POLR1A: variants seen among roughly 807,000 people sequenced by gnomAD.
POLR1A encodes the protein DNA-directed RNA polymerase I subunit RPA1.
POLR1A carries 84 observed loss-of-function variants against 205.3 expected under a neutral mutation model. The observed-to-expected ratio is 0.41, with a 90% CI of 0.34 to 0.49. The LOEUF is 0.49. Among genes scored for constraint, POLR1A ranks in the 20% least tolerant of loss-of-function variants. The pLI is 0.22. For synonymous variants in POLR1A, 799 were observed against 863.7 expected (o/e 0.93, Z 1.31); for missense variants, 1,645 against 2,204.5 (o/e 0.75, Z 5.08).
chr2:86,045,561 T>A, intron 20 of POLR1A, 56 bp downstream of exon 20: 2 of 1,585,486 alleles, frequency 1.3e-6, no homozygotes, highest in Non-Finnish European at 1.7e-6. Flanking sequence ...ATAGTTCACC[T>A]ACAATTAAGC....
At chr2:86,078,077 T>C (rs746808363) in intron 10 of POLR1A, 37 bp downstream of exon 10, 3 of 1,612,644 alleles carry the variant, frequency 1.9e-6, no homozygotes, top group South Asian at 2.2e-5. Flanking sequence ...TTATTTATCT[T>C]CTGTAGCTAG....
chr2:86,080,839 C>T lies in POLR1A; in HGVS notation c.1063G>A (p.Val355Met). 1 of 1,613,252 alleles carries T rather than the reference C, an allele frequency of 6.2e-7. No individual in the cohort carries two copies. Among genetic ancestry groups the T allele is most frequent in the Non-Finnish European group, 8.5e-7 (1 of 1,179,552 alleles). ...MAQEQKLPEEVATPTTDEEKD... is the reference protein window; with the variant it reads ...MAQEQKLPEEMATPTTDEEKD... Reference sequence around the variant, plus strand: ...ACCTCATCTGTAGTGGGTGTGGCCACTTCCTCTGGCAACTTCTGTTCTTGG... The same window carrying T: ...ACCTCATCTGTAGTGGGTGTGGCCATTTCCTCTGGCAACTTCTGTTCTTGG... Residue 355 changes from valine (V) to methionine (M), a missense_variant, in exon 9 of 34, where the codon GTG becomes ATG. Transcript: ENST00000263857.
intron 2 of POLR1A, 79 bp downstream of exon 2, chr2:86,099,889 A>T: frequency 8.2e-7 from 1 of 1,222,668 alleles, no homozygotes; most frequent in Non-Finnish European, 1.2e-6. Context: ...ACCTCCTTAG[A>T]CCACTCTTGT....
At chr2:86,044,985 G>A (rs1211190580) in intron 21 of POLR1A, among the ~76,000 whole-genome samples, 1 of 152,126 alleles carries the variant, frequency 6.6e-6, no homozygotes, top group East Asian at 1.9e-4. Context: ...AGCCTTCTAG[G>A]AAGCAAGATA....
In POLR1A at chr2:86,028,567, G is replaced by C. The variant is rs755152866; in HGVS notation, c.4897+27C>G. 6.5e-7 allele frequency: 1 copy of C among 1,539,578 alleles called. No individual in the cohort carries two copies. Among genetic ancestry groups the C allele is most frequent in the South Asian group, 1.1e-5 (1 of 89,604 alleles). On this transcript the variant is annotated intron_variant, in intron 32 of 33. Transcript: ENST00000263857. This position sits in a 1 kb window ranked among gnomAD's most constrained non-coding sequence, Gnocchi z 4.5. ...GTGTCCTGGCTGGTGCCCAGACCTC[G>C]GGGTGTTATCTGCAAGCTCCCCTTA...
In POLR1A at chr2:86,023,753, T is replaced by C. The variant is rs1018999369; in HGVS notation, c.*3670A>G. Reference sequence around the variant, plus strand: ...CAAAGGAAAGCAGGGTCTGAGTTTTTGTTTTTTTTTTTTTTTGAGACGGAA... The same window carrying C: ...CAAAGGAAAGCAGGGTCTGAGTTTTCGTTTTTTTTTTTTTTTGAGACGGAA... On this transcript the variant is annotated 3_prime_UTR_variant, in exon 34 of 34. Transcript: ENST00000263857. 1 of 101,316 alleles carries C rather than the reference T, an allele frequency of 9.9e-6. No homozygotes were observed. Among genetic ancestry groups the C allele is most frequent in the African/African-American group, 5.5e-5 (1 of 18,222 alleles). The allele number at this position is 101,316 out of a possible 1,614,324, so 6.3% of individuals were successfully genotyped here.
intron 14 of POLR1A, among the ~76,000 whole-genome samples, chr2:86,063,100 C>T (rs1332134990): frequency 6.6e-6 from 1 of 152,186 alleles, no homozygotes; most frequent in South Asian, 2.1e-4. Context: ...CTTTGGGAGG[C>T]CAAGGTTGGT....
rs763013931 is a variant in POLR1A, at chr2:86,077,962, C to A, written c.1277G>T (p.Gly426Val). The change falls in exon 11 of 34, where the codon GGC becomes GTC. Residue 426 changes from glycine to valine, a missense_variant. By Grantham distance (109) the Gly-to-Val change is moderately radical. Around this residue, in one of 16 missense-constraint regions of POLR1A, gnomAD observed 131 missense variants for 214.5 expected, o/e 0.61. Transcript: ENST00000263857. The part of the protein sequence containing the change: ...GIRQILEKKE[G>V]LFRKHMMGKR... ...TCCCATCATGTGTTTTCGGAACAGG[C>A]CTTCTTTCTTCTCCAGGATCTTTAT... 3 of 1,614,014 alleles carry A rather than the reference C, an allele frequency of 1.9e-6. No individual in the cohort carries two copies. Among genetic ancestry groups the A allele is most frequent in the African/African-American group, 2.7e-5 (2 of 74,916 alleles).
chr2:86,102,699 G>A (rs1481569537), intron 1 of POLR1A, among the ~76,000 whole-genome samples: 3 of 152,208 alleles, frequency 2.0e-5, no homozygotes, highest in Admixed American at 2.0e-4. Flanking sequence ...GTCAAACAAA[G>A]TTCCTCTCTC....
Position 86,028,818 on chromosome 2 carries a change from G to A in POLR1A, c.4780-107C>T, listed in dbSNP as rs1166641558. On this transcript the variant is annotated intron_variant, in intron 31 of 33. Coordinates refer to ENST00000263857, the MANE Select transcript of POLR1A (RefSeq NM_015425.6). The surrounding 1 kb of genome is among the most constrained non-coding windows in gnomAD (Gnocchi z 4.5). ...TCTCTCTCCTTGTGTCTGGCAGCTC[G>A]GTACAGCTGATGACAAAGTGGTCAA... The A allele has an allele frequency of 4.8e-5, 37 of 770,898 alleles. No individual in the cohort carries two copies. Among genetic ancestry groups the A allele is most frequent in the Non-Finnish European group, 6.7e-5 (30 of 449,380 alleles). The allele number at this position is 770,898 out of a possible 1,614,324, so 47.8% of individuals were successfully genotyped here.
intron 16 of POLR1A, among the ~76,000 whole-genome samples, chr2:86,050,150 T>C (rs1351006298): frequency 6.6e-6 from 1 of 152,150 alleles, no homozygotes; most frequent in Non-Finnish European, 1.5e-5. Flanking sequence ...TCTCTTGACC[T>C]CATGATCCAC....
Position 86,020,331 on chromosome 2 carries a change from C to G in POLR1A, c.*7092G>C, listed in dbSNP as rs888137228. On this transcript the variant is annotated 3_prime_UTR_variant, in exon 34 of 34. Transcript: ENST00000263857. The stretch of plus-strand genomic sequence containing the variant: ...ACTTTGGAAGGTGAAGGCAGCAGAT[C>G]GTGTGAGCTCAGGAGTTTGAGCCTG... The G allele has an allele frequency of 6.6e-6, 1 of 151,990 alleles. No homozygotes were observed. Among genetic ancestry groups the G allele is most frequent in the African/African-American group, 2.4e-5 (1 of 41,354 alleles). 9.4% of individuals were successfully genotyped at this position (151,990 alleles called of 1,614,324 possible). A position where few individuals can be genotyped will look rare whatever the true frequency, so the allele number is the denominator to read the frequency against.
In POLR1A at chr2:86,034,881, C is replaced by CCG. The variant is rs549406257; in HGVS notation, c.4035-1095_4035-1094insCG. 2.7e-4 allele frequency among the ~76,000 whole-genome samples: 41 copies of CCG among 152,198 alleles called. 1 individual carries two copies. The highest frequency in any genetic ancestry group is 9.9e-4 in the African/African-American group (41 of 41,520). On this transcript the variant is annotated intron_variant, in intron 27 of 33. Coordinates refer to ENST00000263857, the MANE Select transcript of POLR1A (RefSeq NM_015425.6). ...CTAATATTATTATTATTAGTTCCCC[C>CCG]CACCGTCCCGAGATGGAGTCTCTCT...
Position 86,039,449 on chromosome 2 carries a change from G to T in POLR1A, c.3754C>A (p.Leu1252Ile), listed in dbSNP as rs1376335311. ...TTGATGTTGGCGCTGGCCACCATGAGAATCTCCCGCAACCTGTCACAGAAT... is the reference window on the plus strand; with the variant it reads ...TTGATGTTGGCGCTGGCCACCATGATAATCTCCCGCAACCTGTCACAGAAT... The part of the protein sequence containing the change: ...TLGIPRLREI[L>I]MVASANIKTP... Residue 1252 changes from leucine to isoleucine, a missense_variant, in exon 26 of 34, where the codon CTC (leucine) becomes ATC (isoleucine). Coordinates refer to ENST00000263857, the MANE Select transcript of POLR1A (RefSeq NM_015425.6). The T allele has an allele frequency of 6.2e-7, 1 of 1,614,170 alleles. No homozygotes were observed. The highest frequency in any genetic ancestry group is 8.5e-7 in the Non-Finnish European group (1 of 1,180,030).
At chr2:86,082,467 T>C (rs1673420879) in intron 7 of POLR1A, among the ~76,000 whole-genome samples, 1 of 152,062 alleles carries the variant, frequency 6.6e-6, no homozygotes, top group Non-Finnish European at 1.5e-5. Flanking sequence ...TTCTGGTTAC[T>C]TTAAAAAATG....
At chr2:86,069,875 C>A (rs763533847) in intron 13 of POLR1A, 143 bp downstream of exon 13, 10 of 832,506 alleles carry the variant, frequency 1.2e-5, no homozygotes, top group African/African-American at 1.7e-5. Flanking sequence ...GCTAAAAGCC[C>A]CACCTGGGAG....
chr2:86,062,851 A>T (rs1031162186), intron 14 of POLR1A, among the ~76,000 whole-genome samples: 1 of 152,208 alleles, frequency 6.6e-6, no homozygotes, highest in Non-Finnish European at 1.5e-5. Flanking sequence ...GAGAGAAGTG[A>T]CACCACTACA....
intron 6 of POLR1A, among the ~76,000 whole-genome samples, chr2:86,084,869 A>G (rs1369766768): frequency 3.3e-5 from 5 of 152,164 alleles, no homozygotes; most frequent in African/African-American, 1.2e-4. Context: ...ATATGTCATC[A>G]TAAGTTTTTA....
intron 6 of POLR1A, 84 bp downstream of exon 6, chr2:86,088,481 TG>T: frequency 1.2e-6 from 1 of 840,308 alleles, no homozygotes; most frequent in Non-Finnish European, 2.0e-6. Context: ...GAGAAACACG[TG>T]GTGAGGAGAA....
Sources: gnomAD v4.1 joint callset for allele counts (sites outside exome capture counted in the v4.1 genomes callset) on GRCh38, gnomAD v4.1.1 for gene constraint, gnomAD v4.1.1 regional missense constraint, Gnocchi (gnomAD v3.1) non-coding constraint, MANE v1.5 for transcripts, NCBI Gene and HGNC (gene_info 2026-07-23, HGNC 2026-07-21) for gene names.